The following NUF2 variants were observed in gnomAD, a reference collection of about 807,000 sequenced individuals.
The protein encoded by NUF2 is NUF2 component of NDC80 kinetochore complex.
In NUF2, 34 loss-of-function variants were observed where a neutral mutation model predicts 61.8. The ratio of observed to expected loss-of-function variants is 0.55; its 90% CI spans 0.42 to 0.73. The LOEUF (loss-of-function observed/expected upper bound fraction) is 0.73. Ranked by LOEUF, NUF2 falls within the 30% of genes least tolerant of loss-of-function variation. The pLI is 0.00. For missense variants in NUF2, 445 were observed against 539.1 expected (o/e 0.83, Z 1.73); for synonymous variants, 172 against 181.6 (o/e 0.95, Z 0.42).
chr1:163,355,288 A>G, intron 13 of NUF2, 47 bp from the exon 14 acceptor site: 1 of 1,426,602 alleles, frequency 7.0e-7, no homozygotes, highest in Admixed American at 2.0e-5. Flanking sequence ...TTTGTAGTTT[A>G]GGTTGTTGCA....
chr1:163,352,865 CAA>C (rs529145033), intron 13 of NUF2, among the ~76,000 whole-genome samples: 3 of 134,304 alleles, frequency 2.2e-5, no homozygotes, highest in Non-Finnish European at 3.2e-5. Flanking sequence ...GACTCCGTCT[CAA>C]AAAAAAAAAA....
chr1:163,340,438 TTCTTTTCA>T lies in NUF2; in HGVS notation c.669+13_669+20del. 3.1e-6 allele frequency: 5 copies of T among 1,592,610 alleles called. No homozygotes were observed. The highest frequency in any genetic ancestry group is 3.4e-6 in the Non-Finnish European group (4 of 1,162,942). ...AAACCAAGCGTTTGGTAAACATCTTTTCTTTTCACTAGCATTTAAAGTTTGAATATATT... is the reference window on the plus strand; with the variant it reads ...AAACCAAGCGTTTGGTAAACATCTTTCTAGCATTTAAAGTTTGAATATATT... On this transcript the variant is annotated intron_variant, in intron 9 of 13. Transcript: ENST00000271452.
chr1:163,332,117 G>A (rs986681178), intron 5 of NUF2, among the ~76,000 whole-genome samples: 8 of 151,708 alleles, frequency 5.3e-5, no homozygotes, highest in Admixed American at 3.3e-4. Flanking sequence ...ATTTATTGCT[G>A]TAAATTTCCC....
chr1:163,332,206 A>G (rs1650619329), intron 5 of NUF2, among the ~76,000 whole-genome samples: 1 of 151,672 alleles, frequency 6.6e-6, no homozygotes, highest in Non-Finnish European at 1.5e-5. Flanking sequence ...ATATTTTCTA[A>G]TTTCCCTTTT....
Position 163,345,794 on chromosome 1 carries a change from A to G in NUF2, c.924A>G (p.Glu308=), listed in dbSNP as rs757879103. The part of the protein sequence containing the change: ...KKIQDLSDNR[E]KLASILKESL... ...TACAGGACCTTTCAGATAATAGGGA[A>G]AAATTAGCCAGTATCTTAAAGGAGG... Residue 308 remains glutamate, a synonymous_variant, in exon 11 of 14, where the codon GAA becomes GAG. Transcript: ENST00000271452. 1.2e-6 allele frequency: 2 copies of G among 1,606,376 alleles called. No individual in the cohort carries two copies. The highest frequency in any genetic ancestry group is 2.2e-5 in the South Asian group (2 of 90,144).
At chr1:163,346,767 A>G (rs1366185747) in intron 11 of NUF2, among the ~76,000 whole-genome samples, 2 of 152,094 alleles carry the variant, frequency 1.3e-5, no homozygotes, top group African/African-American at 4.8e-5. Flanking sequence ...AGGTGGGAGG[A>G]TCACTTGAGT....
Position 163,349,009 on chromosome 1 carries a change from G to A in NUF2, c.1189G>A (p.Glu397Lys), listed in dbSNP as rs201334528. The A allele has an allele frequency of 6.2e-7, 1 of 1,611,346 alleles. No individual in the cohort carries two copies. The highest frequency in any genetic ancestry group is 2.2e-5 in the East Asian group (1 of 44,698). ...TGAACGAGTAACCACAATTAATCAA[G>A]AAATCCAAAAAATTAAACTTGGAAT... ...VYERVTTINQEIQKIKLGIQQ... is the reference protein window; with the variant it reads ...VYERVTTINQKIQKIKLGIQQ... The change falls in exon 13 of 14, where the codon GAA becomes AAA. Residue 397 changes from glutamate to lysine, a missense_variant. By Grantham distance (56) the Glu-to-Lys change is moderately conservative (BLOSUM62 1). Transcript: ENST00000271452.
chr1:163,342,713 T>C (rs796411046), intron 9 of NUF2, among the ~76,000 whole-genome samples: 6 of 152,082 alleles, frequency 3.9e-5, no homozygotes, highest in African/African-American at 9.6e-5. Flanking sequence ...TACACACATA[T>C]AGAGAGAGAC....
intron 5 of NUF2, 132 bp downstream of exon 5, chr1:163,329,039 A>C (rs2101668501): frequency 2.2e-6 from 1 of 461,032 alleles, no homozygotes; most frequent in Non-Finnish European, 3.9e-6. Flanking sequence ...AGTATATCCC[A>C]TTTTTAAGTA....
chr1:163,328,221 C>A lies in NUF2; in HGVS notation c.199-7C>A. The A allele has an allele frequency of 1.3e-6, 2 of 1,591,540 alleles. No homozygotes were observed. Among genetic ancestry groups the A allele is most frequent in the Non-Finnish European group, 1.7e-6 (2 of 1,165,878 alleles). On this transcript the variant is annotated splice_polypyrimidine_tract_variant and splice_region_variant and intron_variant, in intron 3 of 13. Transcript: ENST00000271452. ...GTAATGTCGATTTTGTGGTTTATTGCATTTAGATGCCAGTGAACTCTGAAG... is the reference window on the plus strand; with the variant it reads ...GTAATGTCGATTTTGTGGTTTATTGAATTTAGATGCCAGTGAACTCTGAAG...
chr1:163,350,014 G>C (rs1280148223), intron 13 of NUF2, among the ~76,000 whole-genome samples: 1 of 151,922 alleles, frequency 6.6e-6, no homozygotes, highest in African/African-American at 2.4e-5. Context: ...AGACTTAGCA[G>C]ATATTGGCTG....
rs1180156406 is a variant in NUF2 at position 163,340,408 on chromosome 1, A to G, written c.651A>G (p.Ser217=). ...EGNSQKKSNI[S]EKTKRLNELK... ...ATTCCCAAAAGAAGTCAAATATTTC[A>G]GAGAAAACCAAGCGTTTGGTAAACA... is the stretch of plus-strand genomic sequence containing the variant. Residue 217 remains serine (S), a synonymous_variant, in exon 9 of 14, where the codon TCA becomes TCG. Coordinates refer to ENST00000271452, the MANE Select transcript of NUF2 (RefSeq NM_145697.3). 6.2e-7 allele frequency: 1 copy of G among 1,611,176 alleles called. No individual in the cohort carries two copies. The highest frequency in any genetic ancestry group is 8.5e-7 in the Non-Finnish European group (1 of 1,178,474).
At chr1:163,327,256 T>C (rs751141104) in intron 2 of NUF2, among the ~76,000 whole-genome samples, 2 of 152,134 alleles carry the variant, frequency 1.3e-5, no homozygotes, top group Non-Finnish European at 2.9e-5. Context: ...TTGGGTATAC[T>C]TGCTCTCATT....
intron 8 of NUF2, chr1:163,340,106 T>G (rs61812219): frequency 0.11 from 43,516 of 406,696 alleles, 2,946 homozygotes; most frequent in South Asian, 0.19. Flanking sequence ...AATTTTTTCT[T>G]TCAACTTATA....
rs1651459945 is a variant in NUF2 at position 163,355,547 on chromosome 1, T to C, written c.*78T>C. 1 of 1,323,642 alleles carries C rather than the reference T, an allele frequency of 7.6e-7. No individual in the cohort carries two copies. The highest frequency in any genetic ancestry group is 1.5e-5 in the African/African-American group (1 of 67,110). 82.0% of individuals were successfully genotyped at this position (1,323,642 alleles called of 1,614,324 possible). A position where few individuals can be genotyped will look rare whatever the true frequency, so the allele number is the denominator to read the frequency against. On this transcript the variant is annotated 3_prime_UTR_variant, in exon 14 of 14. Coordinates refer to ENST00000271452, the MANE Select transcript of NUF2 (RefSeq NM_145697.3). ...ATTTAGAAAGAAAAGTTGAAGCGAA[T>C]GGAAGTATCAGAAGTACCAAATAAT...
intron 12 of NUF2, 116 bp downstream of exon 12, chr1:163,348,054 C>T: frequency 1.5e-6 from 1 of 663,260 alleles, no homozygotes; most frequent in Non-Finnish European, 2.4e-6. Context: ...ACAGCTTTAT[C>T]TTTATTTCAC....
intron 8 of NUF2, 58 bp from the exon 9 acceptor site, chr1:163,340,306 G>T: frequency 3.1e-6 from 4 of 1,270,718 alleles, no homozygotes; most frequent in Non-Finnish European, 4.5e-6. Context: ...AGACAGCAGT[G>T]AGTGGCTAAA....
chr1:163,325,309 A>G (rs936565344), intron 1 of NUF2, among the ~76,000 whole-genome samples: 1 of 152,166 alleles, frequency 6.6e-6, no homozygotes, highest in Non-Finnish European at 1.5e-5. Flanking sequence ...AGTTGCACCC[A>G]CACTCCTGTG....
At chr1:163,334,966 T>G (rs369527037) in intron 5 of NUF2, among the ~76,000 whole-genome samples, 2 of 152,132 alleles carry the variant, frequency 1.3e-5, no homozygotes, top group African/African-American at 4.8e-5. Flanking sequence ...TTTTTGTTTT[T>G]GTTTTTGAGA....
Sources: allele counts gnomAD v4.1 joint callset (sites outside exome capture counted in the v4.1 genomes callset), GRCh38; gene constraint gnomAD v4.1.1; transcripts MANE v1.5; gene names NCBI Gene and HGNC (gene_info 2026-07-23, HGNC 2026-07-21).